Variants in APCDD1 observed in about 807,000 individuals in gnomAD.
APCDD1 encodes the protein APC down-regulated 1, also known as protein APCDD1.
A neutral mutation model predicts 38.1 loss-of-function variants in APCDD1; 15 were observed. The observed-to-expected ratio is 0.39, with a 90% CI of 0.26 to 0.61. The LOEUF is 0.61. Ranked by LOEUF, APCDD1 falls within the 20% of genes least tolerant of loss-of-function variation. The pLI is 0.49. For synonymous variants in APCDD1, 261 were observed against 279.7 expected (o/e 0.93, Z 0.67); for missense variants, 647 against 696.2 (o/e 0.93, Z 0.79).
intron 3 of APCDD1, among the ~76,000 whole-genome samples, chr18:10,482,995 C>T (rs916580977): frequency 1.3e-5 from 2 of 152,204 alleles, no homozygotes; most frequent in Non-Finnish European, 2.9e-5. Flanking sequence ...ATTTAATGTT[C>T]ACACCAAGTG....
intron 4 of APCDD1, among the ~76,000 whole-genome samples, chr18:10,486,444 C>T (rs1020827404): frequency 4.6e-5 from 7 of 152,216 alleles, no homozygotes; most frequent in African/African-American, 9.7e-5. Flanking sequence ...AATAACACTG[C>T]GTTTGCTTGC....
chr18:10,485,503 G>T lies in APCDD1; in HGVS notation c.816G>T (p.Arg272=). ...GCATCGCCTGTCGGATCATCTATCG[G>T]TCAGACGAGCACCACCCTCCCATCC... ...HACIACRIIY[R]SDEHHPPILP... The change falls in exon 4 of 5, where the codon CGG becomes CGT. Residue 272 remains arginine, a synonymous_variant. Coordinates refer to ENST00000355285, the MANE Select transcript of APCDD1 (RefSeq NM_153000.5). This position sits in a 1 kb window ranked among gnomAD's most constrained non-coding sequence, Gnocchi z 5.8. 6.2e-7 allele frequency: 1 copy of T among 1,614,118 alleles called. No homozygotes were observed. Among genetic ancestry groups the T allele is most frequent in the Non-Finnish European group, 8.5e-7 (1 of 1,180,030 alleles).
Position 10,485,046 on chromosome 18 carries a change from T to C in APCDD1, c.775-416T>C, listed in dbSNP as rs999809796. Among the ~76,000 whole-genome samples the C allele has an allele frequency of 6.6e-6, 1 of 152,212 alleles. No individual in the cohort carries two copies. Among genetic ancestry groups the C allele is most frequent in the Admixed American group, 6.5e-5 (1 of 15,284 alleles). On this transcript the variant is annotated intron_variant, in intron 3 of 4. Transcript: ENST00000355285. The surrounding 1 kb of genome is among the most constrained non-coding windows in gnomAD (Gnocchi z 5.8). ...CTGTTTTCCATAGTGGCTGGACCAT[T>C]GTATATTCTCATCAGCTGTGTTTAA... is the stretch of plus-strand genomic sequence containing the variant.
intron 1 of APCDD1, among the ~76,000 whole-genome samples, chr18:10,455,632 A>T (rs573722272): frequency 6.6e-6 from 1 of 152,278 alleles, no homozygotes; most frequent in East Asian, 1.9e-4. Flanking sequence ...AATTTTAAGA[A>T]ACAGGGGACC....
chr18:10,456,977 A>T (rs550006812), intron 1 of APCDD1, among the ~76,000 whole-genome samples: 1 of 152,134 alleles, frequency 6.6e-6, no homozygotes. Context: ...GTGTACACAT[A>T]TGTGCATATG....
At chr18:10,483,472 T>C (rs2031184145) in intron 3 of APCDD1, among the ~76,000 whole-genome samples, 1 of 152,206 alleles carries the variant, frequency 6.6e-6, no homozygotes, top group Non-Finnish European at 1.5e-5. Flanking sequence ...TCGCCTGAAG[T>C]GCAACTCTAT....
chr18:10,456,856 TG>T (rs1483065520), intron 1 of APCDD1, among the ~76,000 whole-genome samples: 16 of 152,030 alleles, frequency 1.1e-4, no homozygotes, highest in Non-Finnish European at 1.5e-5. Flanking sequence ...CCCATGGTGT[TG>T]GGAGGGGGAT....
rs190943554 is a variant in APCDD1, at chr18:10,470,787, C to T, written c.243-743C>T. On this transcript the variant is annotated intron_variant, in intron 2 of 4. Transcript: ENST00000355285. This position sits in a 1 kb window ranked among gnomAD's most constrained non-coding sequence, Gnocchi z 4.1. ...TTTGTGAAATCCCTCAATTCCATCC[C>T]GCTGCTGTTATGCTCTGTAGATTCT... Among the ~76,000 whole-genome samples the T allele has an allele frequency of 6.7e-4, 102 of 152,332 alleles. No individual in the cohort carries two copies. The highest frequency in any genetic ancestry group is 1.3e-3 in the Non-Finnish European group (91 of 68,034).
chr18:10,482,175 G>C (rs573311156), intron 3 of APCDD1, among the ~76,000 whole-genome samples: 32 of 152,202 alleles, frequency 2.1e-4, no homozygotes, highest in African/African-American at 7.7e-4. Context: ...AGCTCTCTGA[G>C]CTCTTCCTGA....
At chr18:10,479,104 G>A (rs535624942) in intron 3 of APCDD1, among the ~76,000 whole-genome samples, 7 of 152,328 alleles carry the variant, frequency 4.6e-5, no homozygotes, top group African/African-American at 1.4e-4. Flanking sequence ...CAGAAGACCC[G>A]AGAAGGATGT....
In APCDD1 at chr18:10,467,202, T is replaced by A. The variant is rs1333673607; in HGVS notation, c.59-1267T>A. ...TTATCCAGGTAGATTTTCGTCATGT[T>A]GCTGTAAGTGACTATATTCTGAATC... On this transcript the variant is annotated intron_variant, in intron 1 of 4. Coordinates refer to ENST00000355285, the MANE Select transcript of APCDD1 (RefSeq NM_153000.5). The surrounding 1 kb of genome is among the most constrained non-coding windows in gnomAD (Gnocchi z 4.8). Among the ~76,000 whole-genome samples the A allele has an allele frequency of 6.6e-6, 1 of 152,260 alleles. No individual in the cohort carries two copies. The highest frequency in any genetic ancestry group is 6.5e-5 in the Admixed American group (1 of 15,284).
At chr18:10,458,869 C>G (rs2030452092) in intron 1 of APCDD1, among the ~76,000 whole-genome samples, 1 of 152,080 alleles carries the variant, frequency 6.6e-6, no homozygotes, top group Admixed American at 6.6e-5. Context: ...GCAGGGAAAA[C>G]CAGGAAAAAA....
At chr18:10,474,629 G>A (rs1281130527) in intron 3 of APCDD1, among the ~76,000 whole-genome samples, 1 of 152,152 alleles carries the variant, frequency 6.6e-6, no homozygotes, top group African/African-American at 2.4e-5. Context: ...TTTAGTACTG[G>A]GGGAAAAATT....
Position 10,488,184 on chromosome 18 carries a change from CCT to C in APCDD1, c.*147_*148del, listed in dbSNP as rs1315985872. On this transcript the variant is annotated 3_prime_UTR_variant, in exon 5 of 5. Transcript: ENST00000355285. ...TTTCTCCTCTCCCTCCCTCCCAGCC[CCT>C]GAGTCATGAACAGCAAGGAGTGTTT... The C allele has an allele frequency of 6.8e-6, 7 of 1,031,178 alleles. No homozygotes were observed. Among genetic ancestry groups the C allele is most frequent in the Non-Finnish European group, 8.5e-6 (6 of 703,182 alleles). The allele number at this position is 1,031,178 out of a possible 1,614,324, so 63.9% of individuals were successfully genotyped here. A position where few individuals can be genotyped will look rare whatever the true frequency, so the allele number is the denominator to read the frequency against.
chr18:10,476,386 G>A lies in APCDD1; in HGVS notation c.774+4325G>A, dbSNP rs1016350334. 3 of 152,206 alleles carry A rather than the reference G, an allele frequency of 2.0e-5. No homozygotes were observed. Among genetic ancestry groups the A allele is most frequent in the African/African-American group, 7.2e-5 (3 of 41,452 alleles). 9.4% of individuals were successfully genotyped at this position (152,206 alleles called of 1,614,324 possible). On this transcript the variant is annotated intron_variant, in intron 3 of 4. Transcript: ENST00000355285. The surrounding 1 kb of genome is among the most constrained non-coding windows in gnomAD (Gnocchi z 5.8). ...TGTGCTGGGAGGGTTCATTCAGGAT[G>A]GAACTGGCTACTCTTCATTATAAAA...
rs754478741 is a variant in APCDD1 at position 10,487,724 on chromosome 18, G to C, written c.1231G>C (p.Val411Leu). The change falls in exon 5 of 5, where the codon GTG becomes CTG. Residue 411 changes from valine (V) to leucine (L), a missense_variant. Physicochemically the swap from Val to Leu is conservative, Grantham distance 32 (BLOSUM62 1). Transcript: ENST00000355285. ...QQDVTHTNGCVALGIKLPHTE... is the reference protein window; with the variant it reads ...QQDVTHTNGCLALGIKLPHTE... Reference sequence around the variant, plus strand: ...GGATGTGACCCACACCAATGGCTGCGTGGCCCTGGGCATCAAACTACCTCA... The same window carrying C: ...GGATGTGACCCACACCAATGGCTGCCTGGCCCTGGGCATCAAACTACCTCA... The C allele has an allele frequency of 1.2e-6, 2 of 1,614,140 alleles. No individual in the cohort carries two copies. Among genetic ancestry groups the C allele is most frequent in the East Asian group, 2.2e-5 (1 of 44,880 alleles).
At chr18:10,478,698 G>C (rs886462524) in intron 3 of APCDD1, among the ~76,000 whole-genome samples, 1 of 152,176 alleles carries the variant, frequency 6.6e-6, no homozygotes, top group Admixed American at 6.5e-5. Context: ...TCGTGGTAAG[G>C]ATTTTAACAT....
intron 3 of APCDD1, among the ~76,000 whole-genome samples, chr18:10,482,519 C>T (rs2031164838): frequency 6.6e-6 from 1 of 152,208 alleles, no homozygotes; most frequent in African/African-American, 2.4e-5. Flanking sequence ...CTTCATGTGG[C>T]CTCTCTTATT....
rs117614501 is a variant in APCDD1 at position 10,479,574 on chromosome 18, C to A, written c.775-5888C>A. On this transcript the variant is annotated intron_variant, in intron 3 of 4. Coordinates refer to ENST00000355285, the MANE Select transcript of APCDD1 (RefSeq NM_153000.5). ...TGGGCTGGAGTCCTTGCTGGGGAAA[C>A]GTCTGTTCTCTGCAGCCTGAGGCAG... Among the ~76,000 whole-genome samples, 453 of 152,298 alleles carry A rather than the reference C, an allele frequency of 3.0e-3. 12 individuals are homozygous for A. The East Asian group carries it at 0.056, about 19-fold the overall frequency.
Sources: allele counts gnomAD v4.1 joint callset (sites outside exome capture counted in the v4.1 genomes callset), GRCh38; gene constraint gnomAD v4.1.1; non-coding constraint Gnocchi (gnomAD v3.1); transcripts MANE v1.5; gene names NCBI Gene and HGNC (gene_info 2026-07-23, HGNC 2026-07-21).